Variants in ZHX3 observed in about 807,000 individuals in gnomAD.
The protein encoded by ZHX3 is zinc fingers and homeoboxes 3.
In ZHX3, 20 loss-of-function variants were observed where a neutral mutation model predicts 64.5. The observed-to-expected ratio is 0.31, with a 90% CI of 0.22 to 0.45. The LOEUF (loss-of-function observed/expected upper bound fraction) is 0.45. ZHX3 is among the 20% of genes least tolerant of loss of function. The pLI is 1.00. For missense variants in ZHX3, 1,041 were observed against 1,195.8 expected, an observed-to-expected ratio of 0.87 and a Z score of 1.91; for synonymous variants, 423 against 461.6, an observed-to-expected ratio of 0.92 and a Z score of 1.07.
chr20:41,316,614 T>C (rs935313898), intron 1 of ZHX3, among the ~76,000 whole-genome samples: 7 of 152,300 alleles, frequency 4.6e-5, no homozygotes, highest in Admixed American at 2.0e-4. Context: ...TTCACATAGA[T>C]AAAAACAGAA....
Position 41,289,532 on chromosome 20 carries a change from G to T in ZHX3, c.-244-20449C>A, listed in dbSNP as rs565663724. Among the ~76,000 whole-genome samples the T allele has an allele frequency of 2.0e-5, 3 of 152,176 alleles. No individual in the cohort carries two copies. The South Asian group carries it at 6.2e-4, about 32-fold the overall frequency. ...TGGTTACAGAGTAGTGTCTCCCTCA[G>T]TACATCTCATTTTATTCATAACGAA... On this transcript the variant is annotated intron_variant, in intron 1 of 3. Transcript: ENST00000683867.
chr20:41,271,252 T>C (rs1232823743), intron 1 of ZHX3, among the ~76,000 whole-genome samples: 1 of 152,178 alleles, frequency 6.6e-6, no homozygotes, highest in Non-Finnish European at 1.5e-5. Context: ...TCTCTTGACC[T>C]CGTGATCCAC....
chr20:41,247,523 A>G (rs1372423483), intron 2 of ZHX3, among the ~76,000 whole-genome samples: 2 of 152,166 alleles, frequency 1.3e-5, no homozygotes, highest in African/African-American at 4.8e-5. Flanking sequence ...TCTGTGTGGA[A>G]GTATCTTTAA....
Position 41,310,068 on chromosome 20 carries a change from A to G in ZHX3, c.-245+7441T>C, listed in dbSNP as rs189515544. 3.5e-4 allele frequency among the ~76,000 whole-genome samples: 54 copies of G among 152,214 alleles called. 1 individual carries two copies. In the East Asian group the frequency reaches 4.8e-3, roughly 14 times the overall value. The stretch of plus-strand genomic sequence containing the variant: ...CTTTTCTCCTCCCCATCTAGCCTAG[A>G]TACCTTTAGCTATCACGTTAGTCAC... On this transcript the variant is annotated intron_variant, in intron 1 of 3. Coordinates refer to ENST00000683867, the MANE Select transcript of ZHX3 (RefSeq NM_001384317.1).
At chr20:41,274,948 G>A (rs747875421) in intron 1 of ZHX3, among the ~76,000 whole-genome samples, 6 of 152,196 alleles carry the variant, frequency 3.9e-5, no homozygotes, top group Middle Eastern at 3.2e-3. Context: ...ACTGGGGTCA[G>A]AAGTTTGAGA....
chr20:41,274,983 C>G (rs1204048478), intron 1 of ZHX3, among the ~76,000 whole-genome samples: 3 of 152,094 alleles, frequency 2.0e-5, no homozygotes, highest in Admixed American at 1.3e-4. Context: ...ATGGTGAAAC[C>G]CTGTCTCTAC....
chr20:41,233,880 G>A (rs1303785980), intron 2 of ZHX3, among the ~76,000 whole-genome samples: 1 of 152,144 alleles, frequency 6.6e-6, no homozygotes, highest in Non-Finnish European at 1.5e-5. Context: ...TTGAAGAATG[G>A]AGCCATGTGG....
rs149059909 is a variant in ZHX3, at chr20:41,241,514, G to T, written c.-151+27476C>A. Among the ~76,000 whole-genome samples, 1,077 of 152,254 alleles carry T rather than the reference G, an allele frequency of 7.1e-3. 8 individuals are homozygous for T. Among genetic ancestry groups the T allele is most frequent in the Non-Finnish European group, 9.1e-3 (619 of 68,002 alleles). On this transcript the variant is annotated intron_variant, in intron 2 of 3. Coordinates refer to ENST00000683867, the MANE Select transcript of ZHX3 (RefSeq NM_001384317.1). ...CTGTGCAGAAGCTTTTTAACTTGAT[G>T]TGATTCCATTTGTTCATTTTTGCTT...
At chr20:41,207,248 G>A (rs1369040405) in intron 2 of ZHX3, among the ~76,000 whole-genome samples, 2 of 152,042 alleles carry the variant, frequency 1.3e-5, no homozygotes, top group Admixed American at 6.5e-5. Context: ...ATCAACTAAC[G>A]AGCAAAATAA....
chr20:41,262,274 C>T (rs536653944), intron 2 of ZHX3, among the ~76,000 whole-genome samples: 10 of 152,280 alleles, frequency 6.6e-5, no homozygotes, highest in Admixed American at 2.0e-4. Flanking sequence ...CATGGCACTC[C>T]CTTGCTTTAA....
At chr20:41,250,560 A>C (rs1043114252) in intron 2 of ZHX3, among the ~76,000 whole-genome samples, 2 of 152,206 alleles carry the variant, frequency 1.3e-5, no homozygotes, top group African/African-American at 4.8e-5. Context: ...ATGAAACAAT[A>C]GCAAAAGATC....
chr20:41,249,238 T>TAA (rs3091740), intron 2 of ZHX3, among the ~76,000 whole-genome samples: 2 of 147,478 alleles, frequency 1.4e-5, no homozygotes, highest in Non-Finnish European at 3.0e-5. Context: ...ATTGTTCACA[T>TAA]AAAAAAAAAA....
At chr20:41,303,681 C>T (rs1326168862) in intron 1 of ZHX3, among the ~76,000 whole-genome samples, 1 of 152,202 alleles carries the variant, frequency 6.6e-6, no homozygotes, top group Non-Finnish European at 1.5e-5. Flanking sequence ...GTGCATGCCC[C>T]TCCATCCACA....
intron 1 of ZHX3, among the ~76,000 whole-genome samples, chr20:41,315,346 C>A (rs1032628403): frequency 2.0e-4 from 11 of 56,044 alleles, no homozygotes; most frequent in Non-Finnish European, 2.6e-4. Flanking sequence ...CCAGGCCTGG[C>A]TTTTTTTTTT....
chr20:41,263,476 C>T (rs898671163), intron 2 of ZHX3, among the ~76,000 whole-genome samples: 4 of 151,250 alleles, frequency 2.6e-5, no homozygotes, highest in Non-Finnish European at 5.9e-5. Flanking sequence ...CTCACTGCAA[C>T]CTCTGCCTCC....
intron 1 of ZHX3, among the ~76,000 whole-genome samples, chr20:41,270,374 C>CAAA (rs71193635): frequency 1.2e-5 from 1 of 83,580 alleles, no homozygotes; most frequent in South Asian, 4.5e-4. Flanking sequence ...AAACTCCGTC[C>CAAA]AAAAAAAAAA....
intron 1 of ZHX3, among the ~76,000 whole-genome samples, chr20:41,278,987 C>A (rs2043530860): frequency 6.6e-6 from 1 of 152,170 alleles, no homozygotes; most frequent in Non-Finnish European, 1.5e-5. Flanking sequence ...CCGTGCTAGC[C>A]AGGATGGCCT....
At chr20:41,270,010 T>A (rs1326468992) in intron 1 of ZHX3, among the ~76,000 whole-genome samples, 1 of 152,174 alleles carries the variant, frequency 6.6e-6, no homozygotes. Context: ...AATACATTAA[T>A]CCAATCCTTA....
chr20:41,268,760 A>C (rs1352449064), intron 2 of ZHX3, among the ~76,000 whole-genome samples: 2 of 152,224 alleles, frequency 1.3e-5, no homozygotes, highest in Non-Finnish European at 2.9e-5. Flanking sequence ...GATCAAAGAA[A>C]TCATCGAAGT....
Sources: gnomAD v4.1 joint callset for allele counts (sites outside exome capture counted in the v4.1 genomes callset) on GRCh38, gnomAD v4.1.1 for gene constraint, MANE v1.5 for transcripts, NCBI Gene and HGNC (gene_info 2026-07-23, HGNC 2026-07-21) for gene names.